Variants in KCNIP4 observed in about 807,000 individuals in gnomAD.
KCNIP4 encodes the protein Kv channel-interacting protein 4.
A neutral mutation model predicts 34.0 loss-of-function variants in KCNIP4; 12 were observed. The ratio of observed to expected loss-of-function variants is 0.35; its 90% confidence interval spans 0.23 to 0.57. KCNIP4 has a LOEUF of 0.57. Ranked by LOEUF, KCNIP4 falls within the 20% of genes least tolerant of loss-of-function variation. KCNIP4 has a pLI of 0.83. For synonymous variants in KCNIP4, 124 were observed against 102.2 expected (o/e 1.21, Z -1.29); for missense variants, 238 against 311.7 (o/e 0.76, Z 1.78).
At chr4:21,582,977 G>A (rs1487178506) in intron 1 of KCNIP4, among the ~76,000 whole-genome samples, 2 of 151,620 alleles carry the variant, frequency 1.3e-5, no homozygotes, top group Non-Finnish European at 2.9e-5. Context: ...TCTCACACTA[G>A]CAATGCTCAT....
chr4:21,879,282 T>C (rs1560782912), intron 1 of KCNIP4, among the ~76,000 whole-genome samples: 2 of 152,214 alleles, frequency 1.3e-5, no homozygotes, highest in Non-Finnish European at 2.9e-5. Context: ...TTAGTTGTCT[T>C]GGAAGCTCAG....
At chr4:21,308,164 G>T (rs1282068320) in intron 1 of KCNIP4, among the ~76,000 whole-genome samples, 1 of 152,110 alleles carries the variant, frequency 6.6e-6, no homozygotes, top group Non-Finnish European at 1.5e-5. Flanking sequence ...GAAATATTAA[G>T]AGCATCCAAC....
chr4:21,784,206 G>A (rs1190440773), intron 1 of KCNIP4, among the ~76,000 whole-genome samples: 5 of 152,080 alleles, frequency 3.3e-5, no homozygotes, highest in Non-Finnish European at 7.3e-5. Flanking sequence ...TCACTATCAC[G>A]AGAATGGCAT....
chr4:21,045,009 C>T (rs1181263148), intron 1 of KCNIP4, among the ~76,000 whole-genome samples: 7 of 152,148 alleles, frequency 4.6e-5, no homozygotes, highest in Non-Finnish European at 7.3e-5. Flanking sequence ...TGAAGGGATA[C>T]AAGAATGTAA....
At chr4:20,793,944 G>A (rs1479753962) in intron 3 of KCNIP4, among the ~76,000 whole-genome samples, 7 of 152,094 alleles carry the variant, frequency 4.6e-5, no homozygotes, top group Non-Finnish European at 5.9e-5. Flanking sequence ...CCCAGTGGGA[G>A]GTAATTGAGT....
chr4:20,949,185 G>A (rs1560593594), intron 1 of KCNIP4, among the ~76,000 whole-genome samples: 2 of 152,096 alleles, frequency 1.3e-5, no homozygotes, highest in Admixed American at 1.3e-4. Flanking sequence ...TGAGATTTAG[G>A]CCACTTTGAA....
intron 1 of KCNIP4, among the ~76,000 whole-genome samples, chr4:21,372,141 GA>G (rs1271108880): frequency 1.4e-5 from 2 of 147,228 alleles, no homozygotes; most frequent in Admixed American, 6.6e-5. Flanking sequence ...GAAGAATTCA[GA>G]AAAAAAGAAC....
chr4:20,886,648 C>T (rs1725348381), intron 1 of KCNIP4, among the ~76,000 whole-genome samples: 1 of 152,252 alleles, frequency 6.6e-6, no homozygotes, highest in Middle Eastern at 3.4e-3. Context: ...GCACCTCTGG[C>T]GTTGCCCTGA....
At chr4:20,731,897 T>C (rs943586792) in intron 8 of KCNIP4, 109 bp downstream of exon 8, 14 of 1,499,232 alleles carry the variant, frequency 9.3e-6, no homozygotes, top group Non-Finnish European at 1.2e-5. Flanking sequence ...AGTGGTAAAC[T>C]TAGGCATATG....
intron 1 of KCNIP4, among the ~76,000 whole-genome samples, chr4:21,249,837 GT>G (rs1402522894): frequency 6.6e-6 from 1 of 152,112 alleles, no homozygotes; most frequent in East Asian, 1.9e-4. Flanking sequence ...TTTAAGGCTT[GT>G]ATAATATTTA....
chr4:20,850,525 C>A lies in KCNIP4; in HGVS notation c.288+18G>T, dbSNP rs765021833. 1 of 1,610,416 alleles carries A rather than the reference C, an allele frequency of 6.2e-7. No individual in the cohort carries two copies. The highest frequency in any genetic ancestry group is 8.5e-7 in the Non-Finnish European group (1 of 1,178,680). On this transcript the variant is annotated intron_variant, in intron 3 of 8. Coordinates refer to ENST00000382152, the MANE Select transcript of KCNIP4 (RefSeq NM_025221.6). ...TCTGGGAATTGTGTGAAGGTAAAGTCAAAAAGAAAGTTCTTACATTCTTAA... is the reference window on the plus strand; with the variant it reads ...TCTGGGAATTGTGTGAAGGTAAAGTAAAAAAGAAAGTTCTTACATTCTTAA...
chr4:21,172,427 T>C (rs946174131), intron 1 of KCNIP4, among the ~76,000 whole-genome samples: 2 of 152,164 alleles, frequency 1.3e-5, no homozygotes, highest in Non-Finnish European at 2.9e-5. Context: ...AATAAAATTA[T>C]GTTATAGGAT....
At chr4:21,798,426 T>TATATATATATATATATATATATA (rs55661046) in intron 1 of KCNIP4, among the ~76,000 whole-genome samples, 3 of 143,236 alleles carry the variant, frequency 2.1e-5, no homozygotes, top group Admixed American at 7.0e-5. Flanking sequence ...TATATATATA[T>TATATATATATATATATATATATA]TTGCTGGGTG....
chr4:20,945,907 G>A (rs565301541), intron 1 of KCNIP4, among the ~76,000 whole-genome samples: 1 of 152,220 alleles, frequency 6.6e-6, no homozygotes, highest in East Asian at 1.9e-4. Flanking sequence ...TTAAATCATG[G>A]CAGTCGCTCA....
chr4:21,684,545 T>C (rs1326163725), intron 1 of KCNIP4, among the ~76,000 whole-genome samples: 1 of 152,192 alleles, frequency 6.6e-6, no homozygotes, highest in Non-Finnish European at 1.5e-5. Context: ...GTTGTTAATA[T>C]TGGCTTGTGA....
At chr4:21,812,079 G>A (rs1455028220) in intron 1 of KCNIP4, among the ~76,000 whole-genome samples, 1 of 152,168 alleles carries the variant, frequency 6.6e-6, no homozygotes, top group East Asian at 1.9e-4. Context: ...GGTATCCCAT[G>A]TAACAAACAA....
chr4:21,343,851 G>A (rs565812467), intron 1 of KCNIP4, among the ~76,000 whole-genome samples: 4 of 151,968 alleles, frequency 2.6e-5, no homozygotes, highest in Non-Finnish European at 5.9e-5. Context: ...ATAGTTCCAA[G>A]GGCTTTCTCT....
At chr4:21,631,858 A>C (rs1295957232) in intron 1 of KCNIP4, among the ~76,000 whole-genome samples, 3 of 152,206 alleles carry the variant, frequency 2.0e-5, no homozygotes, top group Non-Finnish European at 2.9e-5. Flanking sequence ...TATGAAATAA[A>C]ATGAGATTTG....
At chr4:21,130,086 T>C (rs1230267831) in intron 1 of KCNIP4, among the ~76,000 whole-genome samples, 1 of 152,010 alleles carries the variant, frequency 6.6e-6, no homozygotes, top group African/African-American at 2.4e-5. Flanking sequence ...GGCCTTCCAT[T>C]CCCTGATTTT....
Sources: allele counts gnomAD v4.1 joint callset (sites outside exome capture counted in the v4.1 genomes callset), GRCh38; gene constraint gnomAD v4.1.1; transcripts MANE v1.5; gene names NCBI Gene and HGNC (gene_info 2026-07-23, HGNC 2026-07-21).